The following SH3D19 variants were observed in gnomAD, a reference collection of about 807,000 sequenced individuals.
SH3D19 encodes the protein SH3 domain-containing protein 19.
A neutral mutation model predicts 112.1 loss-of-function variants in SH3D19; 58 were observed. The ratio of observed to expected loss-of-function variants is 0.52; its 90% CI spans 0.42 to 0.64. SH3D19 has a LOEUF of 0.64. SH3D19 is among the 30% of genes least tolerant of loss of function. SH3D19 has a pLI of 0.00. For missense variants in SH3D19, 1,090 were observed against 1,263.4 expected, an observed-to-expected ratio of 0.86 and a Z score of 2.08; for synonymous variants, 391 against 448.5, an observed-to-expected ratio of 0.87 and a Z score of 1.62.
At chr4:151,321,668 G>A (rs1730545543) in intron 1 of SH3D19, among the ~76,000 whole-genome samples, 1 of 152,166 alleles carries the variant, frequency 6.6e-6, no homozygotes. Context: ...AATCTGTGTT[G>A]GGGTGTGATT....
intron 1 of SH3D19, among the ~76,000 whole-genome samples, chr4:151,310,896 T>C (rs1425557581): frequency 6.6e-6 from 1 of 151,666 alleles, no homozygotes; most frequent in Non-Finnish European, 1.5e-5. Flanking sequence ...CTCAAAGAGA[T>C]ATCTGCACTC....
chr4:151,282,972 G>C lies in SH3D19; in HGVS notation c.112+42269C>G, dbSNP rs182058974. ...AGTTTTAGATTTAAGTGTACCAAAA[G>C]ATCCACCCATAAGCAAATATGATTG... On this transcript the variant is annotated intron_variant, in intron 1 of 19. Transcript: ENST00000604030. 4.7e-6 allele frequency: 3 copies of C among 640,638 alleles called. No individual in the cohort carries two copies. The Admixed American group carries it at 7.7e-5, about 16-fold the overall frequency. 39.7% of individuals were successfully genotyped at this position (640,638 alleles called of 1,614,324 possible).
chr4:151,135,018 G>T, intron 15 of SH3D19, 56 bp downstream of exon 15: 2 of 1,395,364 alleles, frequency 1.4e-6, no homozygotes, highest in Non-Finnish European at 2.0e-6. Flanking sequence ...AATTCTTCAT[G>T]ATATAGATGG....
chr4:151,187,861 A>G (rs139072325), intron 2 of SH3D19, among the ~76,000 whole-genome samples: 6 of 152,328 alleles, frequency 3.9e-5, no homozygotes, highest in African/African-American at 1.2e-4. Flanking sequence ...CATAATCTAT[A>G]TAGTCAATTT....
At chr4:151,122,511 T>TCACACACA (rs3064664) in intron 19 of SH3D19, among the ~76,000 whole-genome samples, 3,479 of 148,418 alleles carry the variant, frequency 0.023, 72 homozygotes, top group East Asian at 0.059. Flanking sequence ...ATACCAGTTA[T>TCACACACA]CACACACACA....
intron 1 of SH3D19, among the ~76,000 whole-genome samples, chr4:151,230,652 G>A (rs1208581928): frequency 6.6e-6 from 1 of 150,896 alleles, no homozygotes; most frequent in African/African-American, 2.4e-5. Flanking sequence ...CCAGGCTGGA[G>A]TGCAATCTCG....
At chr4:151,144,480 G>T in intron 11 of SH3D19, 2 of 592,488 alleles carry the variant, frequency 3.4e-6, no homozygotes, top group South Asian at 4.2e-5. Flanking sequence ...CTTGGGAGTT[G>T]GAGTTAGGCC....
rs187638262 is a variant in SH3D19, at chr4:151,203,795, C to T, written c.153-16332G>A. ...CTAGGACTTTCTATAAGAATAATGA[C>T]GTTTCTCTTACTGAAATAATTCAGC... On this transcript the variant is annotated intron_variant, in intron 2 of 19. Transcript: ENST00000604030. Among the ~76,000 whole-genome samples the T allele has an allele frequency of 7.2e-5, 11 of 152,220 alleles. No homozygotes were observed. The East Asian group carries it at 1.7e-3, about 24-fold the overall frequency.
chr4:151,281,068 G>C (rs1237992455), intron 1 of SH3D19, among the ~76,000 whole-genome samples: 1 of 152,120 alleles, frequency 6.6e-6, no homozygotes, highest in Non-Finnish European at 1.5e-5. Flanking sequence ...AAACACAGAA[G>C]AGAATCCCTA....
At chr4:151,324,295 GGGAGTCACACA>G (rs1269185941) in intron 1 of SH3D19, among the ~76,000 whole-genome samples, 1 of 152,132 alleles carries the variant, frequency 6.6e-6, no homozygotes, top group East Asian at 1.9e-4. Context: ...TAGTGGTTAA[GGGAGTCACACA>G]GAAAAGCTTC....
At chr4:151,172,286 G>C (rs894406678) in intron 7 of SH3D19, among the ~76,000 whole-genome samples, 20 of 152,296 alleles carry the variant, frequency 1.3e-4, no homozygotes, top group African/African-American at 4.8e-4. Flanking sequence ...CACAGGTCAA[G>C]GCATTCAGAG....
chr4:151,297,516 G>T lies in SH3D19; in HGVS notation c.112+27725C>A, dbSNP rs76987850. On this transcript the variant is annotated intron_variant, in intron 1 of 19. Transcript: ENST00000604030. Reference sequence around the variant, plus strand: ...AATTAGTGAGAAGAAGACAAATCTAGAGACAGTTGGGTAGTAGAAGCAAGA... The same window carrying T: ...AATTAGTGAGAAGAAGACAAATCTATAGACAGTTGGGTAGTAGAAGCAAGA... Among the ~76,000 whole-genome samples, 347 of 152,318 alleles carry T rather than the reference G, an allele frequency of 2.3e-3. 1 individual carries two copies. The highest frequency in any genetic ancestry group is 7.6e-3 in the African/African-American group (317 of 41,570).
chr4:151,315,344 C>G (rs1729885558), intron 1 of SH3D19, among the ~76,000 whole-genome samples: 1 of 152,312 alleles, frequency 6.6e-6, no homozygotes, highest in South Asian at 2.1e-4. Context: ...TAGCCCAGTG[C>G]TTTCCAAATT....
chr4:151,275,655 G>A (rs1160908893), intron 1 of SH3D19, among the ~76,000 whole-genome samples: 1 of 140,528 alleles, frequency 7.1e-6, no homozygotes, highest in African/African-American at 2.7e-5. Flanking sequence ...CGAGTAGCTG[G>A]GGACTTCAGG....
chr4:151,277,303 CTT>C, intron 1 of SH3D19: 1 of 1,162,048 alleles, frequency 8.6e-7, no homozygotes, highest in Non-Finnish European at 1.2e-6. Context: ...CAATGTGACA[CTT>C]CACCCATGGG....
chr4:151,254,209 C>T (rs1771628115), intron 1 of SH3D19, among the ~76,000 whole-genome samples: 1 of 152,154 alleles, frequency 6.6e-6, no homozygotes, highest in African/African-American at 2.4e-5. Context: ...TTTAGAATTA[C>T]TTTAAAATTT....
intron 11 of SH3D19, 117 bp downstream of exon 11, chr4:151,147,805 T>C: frequency 3.0e-6 from 4 of 1,334,368 alleles, no homozygotes; most frequent in Non-Finnish European, 4.1e-6. Context: ...AAAGCACTCT[T>C]GGCGTCAAGG....
chr4:151,122,287 G>T, intron 19 of SH3D19, 80 bp from the exon 20 acceptor site: 2 of 725,432 alleles, frequency 2.8e-6, no homozygotes, highest in South Asian at 3.3e-5. Context: ...AGGGCAGCAT[G>T]AATAATCTTC....
chr4:151,294,353 C>A (rs1423259858), intron 1 of SH3D19, among the ~76,000 whole-genome samples: 1 of 152,214 alleles, frequency 6.6e-6, no homozygotes, highest in Admixed American at 6.5e-5. Flanking sequence ...AGTAACTGTT[C>A]CACAGCATAG....
Sources: allele counts gnomAD v4.1 joint callset (sites outside exome capture counted in the v4.1 genomes callset), GRCh38; gene constraint gnomAD v4.1.1; transcripts MANE v1.5; gene names NCBI Gene and HGNC (gene_info 2026-07-23, HGNC 2026-07-21).